YIPF2: variants seen among roughly 807,000 people sequenced by gnomAD.
The protein encoded by YIPF2 is Yip1 domain family member 2, also known as protein YIPF2.
A neutral mutation model predicts 38.8 loss-of-function variants in YIPF2; 30 were observed. The ratio of observed to expected loss-of-function variants is 0.77; its 90% CI spans 0.58 to 1.05. YIPF2 has a LOEUF of 1.05. YIPF2 is among the 50% of genes least tolerant of loss of function. The pLI is 0.00. For missense variants in YIPF2, 401 were observed against 409.7 expected (o/e 0.98, Z 0.18); for synonymous variants, 194 against 183.8 (o/e 1.06, Z -0.45).
Position 10,927,620 on chromosome 19 carries a change from C to A in YIPF2, c.279+10G>T. The A allele has an allele frequency of 6.2e-7, 1 of 1,613,334 alleles. No individual in the cohort carries two copies. Among genetic ancestry groups the A allele is most frequent in the South Asian group, 1.1e-5 (1 of 91,012 alleles). ...TCTGAGCCCCATCCCACCTGCCTCCCCAGCCTGACCTGTGAGGTGTCCACG... is the reference window on the plus strand; with the variant it reads ...TCTGAGCCCCATCCCACCTGCCTCCACAGCCTGACCTGTGAGGTGTCCACG... On this transcript the variant is annotated intron_variant, in intron 4 of 9. Transcript: ENST00000586748.
intron 2 of YIPF2, among the ~76,000 whole-genome samples, 161 bp downstream of exon 2, chr19:10,928,219 T>G: frequency 6.7e-6 from 1 of 149,290 alleles, no homozygotes; most frequent in African/African-American, 2.5e-5. Flanking sequence ...GAGGTCTGAG[T>G]TCAGGGCGGG....
At chr19:10,924,287 T>C in intron 5 of YIPF2, 95 bp from the exon 6 acceptor site, 1 of 1,176,252 alleles carries the variant, frequency 8.5e-7, no homozygotes, top group Non-Finnish European at 1.2e-6. Context: ...CCCCAGCCTC[T>C]TCCTAAGCAC....
chr19:10,923,120 C>T lies in YIPF2; in HGVS notation c.*74G>A, dbSNP rs765014949. 4 of 589,514 alleles carry T rather than the reference C, an allele frequency of 6.8e-6. No individual in the cohort carries two copies. Among genetic ancestry groups the T allele is most frequent in the Non-Finnish European group, 8.7e-6 (3 of 346,672 alleles). The allele number at this position is 589,514 out of a possible 1,614,324, so 36.5% of individuals were successfully genotyped here. On this transcript the variant is annotated 3_prime_UTR_variant, in exon 10 of 10. Transcript: ENST00000586748. ...CATCTCAAGGTGTCAAAGGAGCCTT[C>T]AGTCATCGTCTGGGGGGCAGGACAG... is the stretch of plus-strand genomic sequence containing the variant.
chr19:10,924,465 C>A (rs2083387523), intron 5 of YIPF2, among the ~76,000 whole-genome samples: 2 of 152,114 alleles, frequency 1.3e-5, no homozygotes, highest in Non-Finnish European at 2.9e-5. Context: ...GACTCTCTGA[C>A]CCCTTCAGCC....
In YIPF2 at chr19:10,927,834, C is replaced by G. The variant is rs1478318142; in HGVS notation, c.157G>C (p.Glu53Gln). 3 of 1,609,654 alleles carry G rather than the reference C, an allele frequency of 1.9e-6. No individual in the cohort carries two copies. The highest frequency in any genetic ancestry group is 2.5e-6 in the Non-Finnish European group (3 of 1,177,248). The change falls in exon 3 of 10, where the codon GAG becomes CAG. Residue 53 changes from glutamate (E) to glutamine (Q), a missense_variant. Glu to Gln is a conservative substitution (Grantham distance 29). Coordinates refer to ENST00000586748, the MANE Select transcript of YIPF2 (RefSeq NM_001321439.2). ...TCACTCTCCTCCTCCACCTCATCCT[C>G]GGCTCCATAGCTGCCACCTGAGCCC... is the stretch of plus-strand genomic sequence containing the variant. ...AVGSGGSYGA[E>Q]DEVEEESDKA...
chr19:10,923,764 T>C, intron 7 of YIPF2, 69 bp downstream of exon 7: 1 of 1,582,094 alleles, frequency 6.3e-7, no homozygotes, highest in East Asian at 2.3e-5. Context: ...ACCATGGGAA[T>C]GAGGCGGCAG....
chr19:10,924,081 TG>T lies in YIPF2; in HGVS notation c.478del (p.His160ThrfsTer3), dbSNP rs1441626112. 2 of 1,613,774 alleles carry T rather than the reference TG, an allele frequency of 1.2e-6. No individual in the cohort carries two copies. Among genetic ancestry groups the T allele is most frequent in the Admixed American group, 1.7e-5 (1 of 59,986 alleles). On this transcript the variant is annotated frameshift_variant, in exon 6 of 10. Transcript: ENST00000586748. LOFTEE classifies it high-confidence loss of function. The stretch of plus-strand genomic sequence containing the variant: ...GGGCCTGCCCGTCTGCTTACCCTTG[TG>T]GAACTGGGGGCTGTAGTGGATGGAG... Reference protein sequence around the residue: ...DPSIHYSPQFHKVTVAGISIY... With the variant: ...DPSIHYSPQFXKVTVAGISIY...
chr19:10,926,956 G>A (rs1263414469), intron 4 of YIPF2, among the ~76,000 whole-genome samples: 3 of 152,008 alleles, frequency 2.0e-5, no homozygotes, highest in Admixed American at 6.6e-5. Flanking sequence ...TGCAACCTCC[G>A]CCTGGCGGAT....
Position 10,923,627 on chromosome 19 carries a change from C to T in YIPF2, c.702G>A (p.Leu234=). Residue 234 remains leucine, a synonymous_variant, in exon 8 of 10, where the codon CTG becomes CTA. Coordinates refer to ENST00000586748, the MANE Select transcript of YIPF2 (RefSeq NM_001321439.2). ...VPWLQWLFGA[L]ALGLSAAGLV... ...GCCCGGCGGCTGACAGGCCCAGGGC[C>T]AGCGCCCCAAAGAGCCACTGCAGCC... is the stretch of plus-strand genomic sequence containing the variant. 1 of 1,612,818 alleles carries T rather than the reference C, an allele frequency of 6.2e-7. No homozygotes were observed. Among genetic ancestry groups the T allele is most frequent in the Non-Finnish European group, 8.5e-7 (1 of 1,179,462 alleles).
In YIPF2 at chr19:10,928,613, G is replaced by A; in HGVS notation, c.-133C>T. On this transcript the variant is annotated 5_prime_UTR_variant, in exon 1 of 10. Transcript: ENST00000586748. ...AGGCCACCTGGGCCGGCGTGGCTGG[G>A]GCTCTCTGCGCCTGCGCGTCTCGCC... is the stretch of plus-strand genomic sequence containing the variant. 5 of 872,316 alleles carry A rather than the reference G, an allele frequency of 5.7e-6. No homozygotes were observed. The highest frequency in any genetic ancestry group is 3.3e-5 in the East Asian group (1 of 30,374). 54.0% of individuals were successfully genotyped at this position (872,316 alleles called of 1,614,324 possible). A position where few individuals can be genotyped will look rare whatever the true frequency, so the allele number is the denominator to read the frequency against.
rs768017576 is a variant in YIPF2 at position 10,925,678 on chromosome 19, T to A, written c.367+8A>T. ...CCATCAAGGAACCAAATGCACAACC[T>A]CACTCACCATACAGATCCGGCCGAT... On this transcript the variant is annotated splice_region_variant and intron_variant, in intron 5 of 9. Coordinates refer to ENST00000586748, the MANE Select transcript of YIPF2 (RefSeq NM_001321439.2). 7 of 1,613,738 alleles carry A rather than the reference T, an allele frequency of 4.3e-6. No individual in the cohort carries two copies. In the African/African-American group the frequency reaches 9.3e-5, roughly 22 times the overall value.
Position 10,922,505 on chromosome 19 carries a change from A to C in YIPF2, c.*689T>G, listed in dbSNP as rs2074273512. Reference sequence around the variant, plus strand: ...CTCAAGAGTTAGAGCAGGTGGCTGCAGGCCTTGGGCCCGGAGGGAAGGCCA... The same window carrying C: ...CTCAAGAGTTAGAGCAGGTGGCTGCCGGCCTTGGGCCCGGAGGGAAGGCCA... On this transcript the variant is annotated 3_prime_UTR_variant, in exon 10 of 10. Coordinates refer to ENST00000586748, the MANE Select transcript of YIPF2 (RefSeq NM_001321439.2). 8.3e-6 allele frequency: 1 copy of C among 120,950 alleles called. No individual in the cohort carries two copies. The highest frequency in any genetic ancestry group is 1.1e-4 in the Admixed American group (1 of 9,042). The allele number at this position is 120,950 out of a possible 1,614,324, so 7.5% of individuals were successfully genotyped here.
chr19:10,924,920 G>A (rs959503477), intron 5 of YIPF2, among the ~76,000 whole-genome samples: 12 of 151,958 alleles, frequency 7.9e-5, no homozygotes, highest in African/African-American at 1.2e-4. Context: ...TGGCGAGAGG[G>A]ACCCCGAAAA....
chr19:10,925,222 ACT>A (rs771734874), intron 5 of YIPF2, among the ~76,000 whole-genome samples: 377 of 140,612 alleles, frequency 2.7e-3, no homozygotes, highest in Non-Finnish European at 4.7e-3. Flanking sequence ...ACAGAGTGAG[ACT>A]CTGTCTCAAA....
rs529086885 is a variant in YIPF2, at chr19:10,924,743, C to T, written c.368-551G>A. Among the ~76,000 whole-genome samples, 9 of 152,062 alleles carry T rather than the reference C, an allele frequency of 5.9e-5. No individual in the cohort carries two copies. The South Asian group carries it at 1.5e-3, about 25-fold the overall frequency. On this transcript the variant is annotated intron_variant, in intron 5 of 9. Transcript: ENST00000586748. Reference sequence around the variant, plus strand: ...GGCAGAAATCCCTAGAGCCTGCCTCCGCTCCTAACCTCCCACTCCCCCCAC... The same window carrying T: ...GGCAGAAATCCCTAGAGCCTGCCTCTGCTCCTAACCTCCCACTCCCCCCAC...
intron 2 of YIPF2, 115 bp from the exon 3 acceptor site, chr19:10,928,074 CCCCCAAGGTGGGG>C: frequency 7.0e-7 from 1 of 1,429,542 alleles, no homozygotes; most frequent in Non-Finnish European, 9.5e-7. Context: ...CCATTGATCT[CCCCCAAGGTGGGG>C]CCCAACTTCC....
intron 4 of YIPF2, among the ~76,000 whole-genome samples, chr19:10,926,670 G>C (rs1051996961): frequency 6.6e-5 from 10 of 151,084 alleles, no homozygotes; most frequent in Non-Finnish European, 1.2e-4. Context: ...GGGACTACAG[G>C]TGTGTGCCAC....
Position 10,928,551 on chromosome 19 carries a change from C to T in YIPF2, c.-71G>A. On this transcript the variant is annotated 5_prime_UTR_variant, in exon 1 of 10. Transcript: ENST00000586748. The stretch of plus-strand genomic sequence containing the variant: ...ACCCACGGAGGCTTGAACTCGTCGT[C>T]CCGTCCCCACAGGTGCGCTCCGCCC... 4.3e-6 allele frequency: 5 copies of T among 1,172,714 alleles called. No homozygotes were observed. The highest frequency in any genetic ancestry group is 5.6e-6 in the Non-Finnish European group (5 of 888,974). 72.6% of individuals were successfully genotyped at this position (1,172,714 alleles called of 1,614,324 possible).
At position 10,924,124 on chromosome 19, in the gene YIPF2, C is replaced by T. The variant is rs2074326076; in HGVS notation, c.436G>A (p.Ala146Thr). ...AVTGNLTLVL[A>T]QRRDPSIHYS... ...TGGATGGAGGGGTCCCTCCTCTGGG[C>T]CAGCACCAGCGTCAGGTTGCCAGTG... is the stretch of plus-strand genomic sequence containing the variant. Residue 146 changes from alanine to threonine, a missense_variant, in exon 6 of 10, where the codon GCC becomes ACC. Transcript: ENST00000586748. 2.5e-6 allele frequency: 4 copies of T among 1,613,734 alleles called. No individual in the cohort carries two copies. The highest frequency in any genetic ancestry group is 2.5e-6 in the Non-Finnish European group (3 of 1,179,940).
Sources: allele counts gnomAD v4.1 joint callset (sites outside exome capture counted in the v4.1 genomes callset), GRCh38; gene constraint gnomAD v4.1.1; transcripts MANE v1.5; gene names NCBI Gene and HGNC (gene_info 2026-07-23, HGNC 2026-07-21).